Variants in ARHGAP32 observed in about 807,000 individuals in gnomAD.
ARHGAP32 encodes rho GTPase-activating protein 32.
In ARHGAP32, 51 loss-of-function variants were observed where a neutral mutation model predicts 186.5. That is an observed-to-expected ratio of 0.27 (90% confidence interval 0.22 to 0.35). The LOEUF is 0.35. ARHGAP32 is among the 10% of genes least tolerant of loss of function. The pLI is 1.00. For missense variants in ARHGAP32, 2,186 were observed against 2,623.5 expected (o/e 0.83, Z 3.64); for synonymous variants, 950 against 964.3 (o/e 0.99, Z 0.27).
At chr11:129,155,751 A>C (rs1294304384) in intron 2 of ARHGAP32, among the ~76,000 whole-genome samples, 1 of 152,148 alleles carries the variant, frequency 6.6e-6, no homozygotes, top group Non-Finnish European at 1.5e-5. Flanking sequence ...AGTTGCTTAA[A>C]GAGTTGATTG....
At chr11:129,235,578 A>G (rs946584725) in intron 1 of ARHGAP32, among the ~76,000 whole-genome samples, 3 of 152,040 alleles carry the variant, frequency 2.0e-5, no homozygotes, top group Admixed American at 2.0e-4. Context: ...GTCTTCATAT[A>G]AGAGAAAACA....
At chr11:129,148,323 C>T (rs1333925661) in intron 2 of ARHGAP32, among the ~76,000 whole-genome samples, 2 of 152,222 alleles carry the variant, frequency 1.3e-5, no homozygotes, top group Non-Finnish European at 2.9e-5. Flanking sequence ...TGCCTCTGAA[C>T]ACACAACCCC....
At chr11:128,987,376 A>G (rs1250290718) in intron 13 of ARHGAP32, among the ~76,000 whole-genome samples, 1 of 152,186 alleles carries the variant, frequency 6.6e-6, no homozygotes, top group East Asian at 1.9e-4. Flanking sequence ...TAGTACAAGG[A>G]CTAATTTATG....
At chr11:129,047,996 T>G (rs1157259738) in intron 10 of ARHGAP32, among the ~76,000 whole-genome samples, 2 of 152,124 alleles carry the variant, frequency 1.3e-5, no homozygotes, top group Non-Finnish European at 2.9e-5. Context: ...GGTCCTTACT[T>G]TTTAGCTCTG....
In ARHGAP32 at chr11:129,236,737, C is replaced by T. The variant is rs557391440; in HGVS notation, c.-5+42409G>A. Among the ~76,000 whole-genome samples the T allele has an allele frequency of 6.4e-4, 97 of 152,162 alleles. 1 individual carries two copies. Among genetic ancestry groups the T allele is most frequent in the African/African-American group, 2.1e-3 (87 of 41,502 alleles). On this transcript the variant is annotated intron_variant, in intron 1 of 6. Coordinates refer to the ARHGAP32 transcript ENST00000525234. Reference sequence around the variant, plus strand: ...GACTTCCTCTTTACCGATTTGGATGCGCTTTCTTTCTTTCTCTGATTGCTC... The same window carrying T: ...GACTTCCTCTTTACCGATTTGGATGTGCTTTCTTTCTTTCTCTGATTGCTC...
chr11:129,068,805 AT>A (rs772662684), intron 6 of ARHGAP32, among the ~76,000 whole-genome samples: 8 of 152,028 alleles, frequency 5.3e-5, no homozygotes, highest in Non-Finnish European at 1.0e-4. Context: ...AATCTTCATA[AT>A]TGACATGTAT....
intron 20 of ARHGAP32, among the ~76,000 whole-genome samples, chr11:128,975,267 G>A (rs1426810214): frequency 6.6e-6 from 1 of 152,190 alleles, no homozygotes; most frequent in Non-Finnish European, 1.5e-5. Context: ...AAAGAACTCA[G>A]AATGCTTGGA....
At chr11:129,181,246 C>T (rs1484239564) in intron 1 of ARHGAP32, among the ~76,000 whole-genome samples, 2 of 152,148 alleles carry the variant, frequency 1.3e-5, no homozygotes, top group African/African-American at 4.8e-5. Flanking sequence ...GCTGGAAGTC[C>T]ATTTTATGGT....
At chr11:129,092,990 T>TGACA (rs1435370168) in intron 6 of ARHGAP32, among the ~76,000 whole-genome samples, 1 of 151,992 alleles carries the variant, frequency 6.6e-6, no homozygotes, top group East Asian at 1.9e-4. Flanking sequence ...ATGCTACAAA[T>TGACA]GACATATTTT....
At chr11:129,049,579 T>TA (rs1939953530) in intron 10 of ARHGAP32, among the ~76,000 whole-genome samples, 1 of 152,220 alleles carries the variant, frequency 6.6e-6, no homozygotes, top group African/African-American at 2.4e-5. Context: ...ATCTACTTTT[T>TA]ATCACGATAT....
chr11:129,173,539 C>G (rs1281400249), intron 1 of ARHGAP32, among the ~76,000 whole-genome samples: 1 of 152,096 alleles, frequency 6.6e-6, no homozygotes. Flanking sequence ...CAGGCCAATA[C>G]CTCTGATGAA....
intron 5 of ARHGAP32, among the ~76,000 whole-genome samples, chr11:129,099,726 T>C (rs1941836507): frequency 6.6e-6 from 1 of 151,908 alleles, no homozygotes; most frequent in Non-Finnish European, 1.5e-5. Flanking sequence ...GAAGGTTCAA[T>C]ACACAAAGAA....
chr11:129,152,867 G>A (rs1943318081), intron 2 of ARHGAP32, among the ~76,000 whole-genome samples: 1 of 152,076 alleles, frequency 6.6e-6, no homozygotes, highest in African/African-American at 2.4e-5. Flanking sequence ...ATTTAACATA[G>A]TGCTACAAGT....
chr11:129,173,909 A>G (rs1272201628), intron 1 of ARHGAP32, among the ~76,000 whole-genome samples: 1 of 152,198 alleles, frequency 6.6e-6, no homozygotes, highest in African/African-American at 2.4e-5. Flanking sequence ...AAGCAAGAAA[A>G]AATGTAAAAA....
intron 2 of ARHGAP32, among the ~76,000 whole-genome samples, chr11:129,150,703 A>G (rs1943269217): frequency 6.6e-6 from 1 of 152,204 alleles, no homozygotes; most frequent in Non-Finnish European, 1.5e-5. Flanking sequence ...GCACTACAAG[A>G]AATGCTAAAC....
intron 12 of ARHGAP32, among the ~76,000 whole-genome samples, chr11:128,988,676 C>T (rs1354413492): frequency 6.6e-6 from 1 of 152,090 alleles, no homozygotes; most frequent in African/African-American, 2.4e-5. Flanking sequence ...TAATGCAAAG[C>T]CCAAGGCAAT....
intron 1 of ARHGAP32, among the ~76,000 whole-genome samples, chr11:129,239,106 T>C (rs1340673693): frequency 6.6e-6 from 1 of 152,186 alleles, no homozygotes; most frequent in African/African-American, 2.4e-5. Flanking sequence ...CACCTCAACC[T>C]ACCAAAGTGC....
chr11:129,253,258 T>C (rs1196666478), intron 1 of ARHGAP32, among the ~76,000 whole-genome samples: 1 of 152,188 alleles, frequency 6.6e-6, no homozygotes, highest in Non-Finnish European at 1.5e-5. Context: ...AGACAAATTA[T>C]GTCTGTGAAT....
At chr11:129,221,478 ACTGT>A (rs1172266397) in intron 1 of ARHGAP32, among the ~76,000 whole-genome samples, 2 of 108,458 alleles carry the variant, frequency 1.8e-5, no homozygotes, top group South Asian at 3.5e-4. Flanking sequence ...AATTGTCATT[ACTGT>A]GTGTGTGTGT....
Sources: allele counts gnomAD v4.1 joint callset (sites outside exome capture counted in the v4.1 genomes callset), GRCh38; gene constraint gnomAD v4.1.1; transcripts MANE v1.5; gene names NCBI Gene and HGNC (gene_info 2026-07-23, HGNC 2026-07-21).